Variants in MED30 observed in about 807,000 individuals in gnomAD.
The protein encoded by MED30 is mediator complex subunit 30.
Under a neutral mutation model 21.7 loss-of-function variants are expected in MED30, and 8 were observed. The observed-to-expected ratio is 0.37, with a 90% CI of 0.22 to 0.67. The LOEUF is 0.67. Ranked by LOEUF, MED30 falls within the 30% of genes least tolerant of loss-of-function variation. MED30 has a pLI of 0.58. For synonymous variants in MED30, 79 were observed against 86.7 expected, an observed-to-expected ratio of 0.91 and a Z score of 0.49; for missense variants, 203 against 228.2, an observed-to-expected ratio of 0.89 and a Z score of 0.71.
In MED30 at chr8:117,520,886, C is replaced by A; in HGVS notation, c.10C>A (p.Pro4Thr). 1 of 1,599,128 alleles carries A rather than the reference C, an allele frequency of 6.3e-7. No homozygotes were observed. The highest frequency in any genetic ancestry group is 1.1e-5 in the South Asian group (1 of 89,680). Residue 4 changes from proline to threonine, a missense_variant, in exon 1 of 4, where the codon CCT (proline) becomes ACT (threonine). By Grantham distance (38) the Pro-to-Thr change is conservative. Transcript: ENST00000297347. Reference sequence around the variant, plus strand: ...AAGCTGCAGCCGCGCCATGTCCACCCCTCCGTTGGCCGCGTCGGGGATGGC... The same window carrying A: ...AAGCTGCAGCCGCGCCATGTCCACCACTCCGTTGGCCGCGTCGGGGATGGC... MSTPPLAASGMAPG... is the reference protein window; with the variant it reads MSTTPLAASGMAPG...
At chr8:117,532,998 TATA>T (rs1043940383) in intron 3 of MED30, among the ~76,000 whole-genome samples, 2 of 151,992 alleles carry the variant, frequency 1.3e-5, no homozygotes, top group African/African-American at 4.8e-5. Context: ...TTTTATAAAA[TATA>T]ATGAAATATG....
intron 3 of MED30, among the ~76,000 whole-genome samples, chr8:117,532,312 A>G (rs1818802753): frequency 1.3e-5 from 2 of 152,046 alleles, no homozygotes; most frequent in South Asian, 4.1e-4. Context: ...TCTTGAAAGT[A>G]TACAAAAATA....
intron 2 of MED30, among the ~76,000 whole-genome samples, chr8:117,529,455 C>T (rs938783736): frequency 3.3e-5 from 5 of 151,948 alleles, no homozygotes; most frequent in Non-Finnish European, 7.4e-5. Context: ...TGGCCTACAT[C>T]GTCAGATGCT....
At chr8:117,532,039 A>T (rs954151787) in intron 3 of MED30, among the ~76,000 whole-genome samples, 1 of 152,072 alleles carries the variant, frequency 6.6e-6, no homozygotes, top group Non-Finnish European at 1.5e-5. Flanking sequence ...GTAACAATTA[A>T]TATTAAGTAG....
chr8:117,536,774 A>T (rs1334327542), intron 3 of MED30, among the ~76,000 whole-genome samples: 1 of 152,216 alleles, frequency 6.6e-6, no homozygotes, highest in Non-Finnish European at 1.5e-5. Flanking sequence ...CATTTAAAGG[A>T]TGGACACTTG....
intron 1 of MED30, among the ~76,000 whole-genome samples, chr8:117,526,132 TC>T (rs1364291262): frequency 6.6e-6 from 1 of 152,076 alleles, no homozygotes; most frequent in East Asian, 1.9e-4. Context: ...GGTCTTCTTT[TC>T]CCATGTTTTT....
chr8:117,523,789 A>G lies in MED30; in HGVS notation c.177+2736A>G. On this transcript the variant is annotated intron_variant, in intron 1 of 3. Transcript: ENST00000297347. ...TTTGAGAGGCCGAGGTGGGCGGATCACGAGGTCAGGAATTCGAGACCAGCC... is the reference window on the plus strand; with the variant it reads ...TTTGAGAGGCCGAGGTGGGCGGATCGCGAGGTCAGGAATTCGAGACCAGCC... 3 of 753,074 alleles carry G rather than the reference A, an allele frequency of 4.0e-6. No individual in the cohort carries two copies. In the South Asian group the frequency reaches 5.5e-5, roughly 14 times the overall value. The allele number at this position is 753,074 out of a possible 1,614,324, so 46.6% of individuals were successfully genotyped here. A position where few individuals can be genotyped will look rare whatever the true frequency, so the allele number is the denominator to read the frequency against.
At position 117,540,081 on chromosome 8, in the gene MED30, C is replaced by G; in HGVS notation, c.*103C>G. 1 of 562,176 alleles carries G rather than the reference C, an allele frequency of 1.8e-6. No homozygotes were observed. Among genetic ancestry groups the G allele is most frequent in the Non-Finnish European group, 2.9e-6 (1 of 342,904 alleles). The allele number at this position is 562,176 out of a possible 1,614,324, so 34.8% of individuals were successfully genotyped here. A position where few individuals can be genotyped will look rare whatever the true frequency, so the allele number is the denominator to read the frequency against. ...ATTATTTATCTGCTTTTATTTTAGT[C>G]ACTAAAACTAAAGTTTTTATTTTTA... On this transcript the variant is annotated 3_prime_UTR_variant, in exon 4 of 4. Transcript: ENST00000297347.
At chr8:117,537,716 G>A (rs1453994814) in intron 3 of MED30, among the ~76,000 whole-genome samples, 1 of 152,140 alleles carries the variant, frequency 6.6e-6, no homozygotes. Context: ...GGTAGGTTAT[G>A]CATTTATTTC....
chr8:117,536,035 T>G (rs1015201824), intron 3 of MED30, among the ~76,000 whole-genome samples: 5 of 152,182 alleles, frequency 3.3e-5, no homozygotes. Context: ...CTTTTTGATT[T>G]GGCTTTTGTT....
At chr8:117,528,072 G>C (rs976149722) in intron 1 of MED30, among the ~76,000 whole-genome samples, 12 of 151,676 alleles carry the variant, frequency 7.9e-5, no homozygotes, top group African/African-American at 2.9e-4. Flanking sequence ...TTTATTAATG[G>C]TGTTCAAGTA....
At position 117,530,967 on chromosome 8, in the gene MED30, A is replaced by G. The variant is rs1818785374; in HGVS notation, c.441+140A>G. The G allele has an allele frequency of 6.2e-6, 4 of 643,498 alleles. 1 individual carries two copies. In the South Asian group the frequency reaches 8.4e-5, roughly 13 times the overall value. 39.9% of individuals were successfully genotyped at this position (643,498 alleles called of 1,614,324 possible). ...GCGGCAAACTTCACCTATTTAGAAT[A>G]CAGCCAAGAAATGAAAGGTAAGCAG... is the stretch of plus-strand genomic sequence containing the variant. On this transcript the variant is annotated intron_variant, in intron 3 of 3. Coordinates refer to ENST00000297347, the MANE Select transcript of MED30 (RefSeq NM_080651.4).
intron 1 of MED30, among the ~76,000 whole-genome samples, chr8:117,525,433 A>G (rs891474675): frequency 6.6e-6 from 1 of 151,266 alleles, no homozygotes; most frequent in Non-Finnish European, 1.5e-5. Context: ...GATACAACTT[A>G]AAGTTATTTT....
chr8:117,530,882 G>C, intron 3 of MED30, 55 bp downstream of exon 3: 1 of 1,263,582 alleles, frequency 7.9e-7, no homozygotes, highest in South Asian at 1.3e-5. Context: ...AAAATTACTA[G>C]GGAGTCTGAT....
Position 117,520,867 on chromosome 8 carries a change from C to A in MED30, c.-10C>A. The A allele has an allele frequency of 6.3e-7, 1 of 1,579,968 alleles. No homozygotes were observed. Among genetic ancestry groups the A allele is most frequent in the Non-Finnish European group, 8.6e-7 (1 of 1,163,886 alleles). On this transcript the variant is annotated 5_prime_UTR_variant, in exon 1 of 4. Transcript: ENST00000297347. ...TCTGGCCCCTTCCGGCCTGAAGCTG[C>A]AGCCGCGCCATGTCCACCCCTCCGT...
intron 1 of MED30, chr8:117,523,386 ATC>A: frequency 6.5e-7 from 1 of 1,550,068 alleles, no homozygotes; most frequent in Non-Finnish European, 8.9e-7. Flanking sequence ...GTCTGTAGGT[ATC>A]TCTGTCGGCT....
In MED30 at chr8:117,528,732, G is replaced by A. The variant is rs762355033; in HGVS notation, c.259G>A (p.Val87Ile). 3.1e-6 allele frequency: 5 copies of A among 1,611,372 alleles called. No homozygotes were observed. The African/African-American group carries it at 6.7e-5, about 22-fold the overall frequency. Reference protein sequence around the residue: ...KLQDNLRQLSVLFRKLRLVYD... With the variant: ...KLQDNLRQLSILFRKLRLVYD... ...ACAGGATAATCTTCGCCAACTTTCA[G>A]TTCTCTTCAGGAAGCTGAGATTGGT... is the stretch of plus-strand genomic sequence containing the variant. Residue 87 changes from valine (V) to isoleucine (I), a missense_variant, in exon 2 of 4, where the codon GTT becomes ATT. By Grantham distance (29) the Val-to-Ile change is conservative. Coordinates refer to ENST00000297347, the MANE Select transcript of MED30 (RefSeq NM_080651.4).
chr8:117,528,913 T>C, intron 2 of MED30, 104 bp downstream of exon 2: 1 of 987,034 alleles, frequency 1.0e-6, no homozygotes. Flanking sequence ...TATTTCCAGG[T>C]TTCGAATTTT....
chr8:117,527,386 C>T (rs974780383), intron 1 of MED30, among the ~76,000 whole-genome samples: 1 of 151,910 alleles, frequency 6.6e-6, no homozygotes, highest in Non-Finnish European at 1.5e-5. Flanking sequence ...ATTTCTGAAA[C>T]TCCTAATAAT....
Sources: gnomAD v4.1 joint callset for allele counts (sites outside exome capture counted in the v4.1 genomes callset) on GRCh38, gnomAD v4.1.1 for gene constraint, MANE v1.5 for transcripts, NCBI Gene and HGNC (gene_info 2026-07-23, HGNC 2026-07-21) for gene names.